The following CNTNAP2 variants were observed in gnomAD, a reference collection of about 807,000 sequenced individuals.
The protein encoded by CNTNAP2 is contactin associated protein 2, also known as contactin-associated protein-like 2.
Under a neutral mutation model 155.2 loss-of-function variants are expected in CNTNAP2, and 98 were observed. That is an observed-to-expected ratio of 0.63 (90% CI 0.54 to 0.75). The LOEUF is 0.75. CNTNAP2 is among the 30% of genes least tolerant of loss of function. CNTNAP2 has a pLI of 0.00. For missense variants in CNTNAP2, 1,727 were observed against 1,688.1 expected (o/e 1.02, Z -0.40); for synonymous variants, 651 against 631.2 (o/e 1.03, Z -0.47).
At chr7:147,608,988 A>G (rs1440167031) in intron 12 of CNTNAP2, among the ~76,000 whole-genome samples, 1 of 152,108 alleles carries the variant, frequency 6.6e-6, no homozygotes, top group Admixed American at 6.5e-5. Flanking sequence ...TTAAGGCAGG[A>G]ACCGGCCATT....
At chr7:146,358,121 G>A (rs1795028040) in intron 1 of CNTNAP2, among the ~76,000 whole-genome samples, 1 of 151,916 alleles carries the variant, frequency 6.6e-6, no homozygotes, top group Admixed American at 6.6e-5. Context: ...TGCAAGCTCC[G>A]CCTGCCGGGT....
At chr7:147,973,082 A>G (rs1390813933) in intron 14 of CNTNAP2, among the ~76,000 whole-genome samples, 1 of 150,500 alleles carries the variant, frequency 6.6e-6, no homozygotes, top group East Asian at 2.0e-4. Context: ...ACTTGAATCC[A>G]GGTTGAGCCT....
At chr7:146,478,776 T>C (rs1371078699) in intron 1 of CNTNAP2, among the ~76,000 whole-genome samples, 1 of 152,046 alleles carries the variant, frequency 6.6e-6, no homozygotes, top group Non-Finnish European at 1.5e-5. Context: ...GTGGATGATT[T>C]AGAGACATGT....
intron 1 of CNTNAP2, among the ~76,000 whole-genome samples, chr7:146,651,179 T>C (rs577914777): frequency 6.6e-6 from 1 of 152,138 alleles, no homozygotes; most frequent in Non-Finnish European, 1.5e-5. Context: ...ACTGAAAAAT[T>C]GCGTATTTTT....
intron 9 of CNTNAP2, among the ~76,000 whole-genome samples, chr7:147,312,802 G>T (rs1795150659): frequency 8.1e-6 from 1 of 122,944 alleles, no homozygotes. Flanking sequence ...GGGTCAAATT[G>T]TATTTCTAGT....
Position 148,015,463 on chromosome 7 carries a change from G to A in CNTNAP2, c.2383+37474G>A, listed in dbSNP as rs564050245. 5.9e-5 allele frequency among the ~76,000 whole-genome samples: 9 copies of A among 152,314 alleles called. No individual in the cohort carries two copies. In the South Asian group the frequency reaches 1.7e-3, roughly 28 times the overall value. On this transcript the variant is annotated intron_variant, in intron 15 of 23. Coordinates refer to ENST00000361727, the MANE Select transcript of CNTNAP2 (RefSeq NM_014141.6). ...AGGAGCGCCTGTGTCCCCAAATCAG[G>A]AAGGCGGGCATCGGCGAGACCCAGT...
intron 8 of CNTNAP2, among the ~76,000 whole-genome samples, chr7:147,185,219 A>G (rs1196447549): frequency 6.6e-6 from 1 of 152,190 alleles, no homozygotes; most frequent in African/African-American, 2.4e-5. Flanking sequence ...CATTAGATAA[A>G]TGTTAATAAA....
chr7:147,309,628 C>T (rs1161259879), intron 9 of CNTNAP2, among the ~76,000 whole-genome samples: 1 of 152,102 alleles, frequency 6.6e-6, no homozygotes, highest in Non-Finnish European at 1.5e-5. Context: ...TGTCAATTAA[C>T]ATTTTAAGCA....
chr7:147,464,398 T>C (rs2373131), intron 10 of CNTNAP2, among the ~76,000 whole-genome samples: 117,205 of 149,048 alleles, frequency 0.79, 46,190 homozygotes, highest in African/African-American at 0.88. Flanking sequence ...ACCCGGGAGG[T>C]GGAGGTTACA....
At chr7:146,585,999 T>C (rs1798685120) in intron 1 of CNTNAP2, among the ~76,000 whole-genome samples, 1 of 137,938 alleles carries the variant, frequency 7.2e-6, no homozygotes, top group African/African-American at 2.8e-5. Context: ...AGTGAGGCCC[T>C]GTCTCAAAAA....
chr7:148,110,308 G>A (rs761384791), intron 15 of CNTNAP2, among the ~76,000 whole-genome samples: 5 of 151,714 alleles, frequency 3.3e-5, no homozygotes, highest in Non-Finnish European at 7.4e-5. Flanking sequence ...AGTAGGTGGA[G>A]ATGGTAGAGC....
chr7:147,334,788 G>GTT (rs1288884168), intron 9 of CNTNAP2, among the ~76,000 whole-genome samples: 2 of 152,142 alleles, frequency 1.3e-5, no homozygotes, highest in African/African-American at 4.8e-5. Flanking sequence ...ATGTTCGTGT[G>GTT]TGAAAACGAG....
chr7:146,759,752 A>T (rs1044556502), intron 1 of CNTNAP2, among the ~76,000 whole-genome samples: 3 of 150,704 alleles, frequency 2.0e-5, no homozygotes, highest in Non-Finnish European at 4.4e-5. Context: ...AAGGTCCCTC[A>T]GAAGTTATAA....
At chr7:147,194,716 A>G (rs2116532599) in intron 8 of CNTNAP2, among the ~76,000 whole-genome samples, 1 of 152,130 alleles carries the variant, frequency 6.6e-6, no homozygotes, top group South Asian at 2.1e-4. Context: ...GGCTGCATAA[A>G]TGTGTTTGAG....
intron 1 of CNTNAP2, among the ~76,000 whole-genome samples, chr7:146,131,886 G>C (rs563054619): frequency 6.6e-6 from 1 of 152,082 alleles, no homozygotes. Context: ...CAATCTGATG[G>C]TGTTAAAAGT....
chr7:146,238,977 G>A (rs6972712), intron 1 of CNTNAP2, among the ~76,000 whole-genome samples: 27,665 of 152,148 alleles, frequency 0.18, 3,620 homozygotes, highest in African/African-American at 0.38. Flanking sequence ...GGTGAGGATT[G>A]TGGGGATTAC....
chr7:147,002,865 C>T (rs1314894878), intron 3 of CNTNAP2, among the ~76,000 whole-genome samples: 2 of 139,224 alleles, frequency 1.4e-5, no homozygotes, highest in Non-Finnish European at 3.0e-5. Context: ...CTCCCAGTAT[C>T]ATTATCTTGC....
intron 1 of CNTNAP2, among the ~76,000 whole-genome samples, chr7:146,518,465 A>G (rs1563116581): frequency 1.3e-5 from 2 of 151,918 alleles, no homozygotes; most frequent in Admixed American, 1.3e-4. Context: ...ATTAAGTTTC[A>G]TTCTATTCAT....
At chr7:146,636,746 A>G (rs1262669422) in intron 1 of CNTNAP2, among the ~76,000 whole-genome samples, 1 of 152,216 alleles carries the variant, frequency 6.6e-6, no homozygotes, top group Non-Finnish European at 1.5e-5. Context: ...GGTTGAGCCA[A>G]ACCAGATTTT....
Sources: gnomAD v4.1 joint callset for allele counts (sites outside exome capture counted in the v4.1 genomes callset) on GRCh38, gnomAD v4.1.1 for gene constraint, MANE v1.5 for transcripts, NCBI Gene and HGNC (gene_info 2026-07-23, HGNC 2026-07-21) for gene names.